Variants in CELF2 observed in about 807,000 individuals in gnomAD.
CELF2 encodes CUG triplet repeat RNA-binding protein 2.
In CELF2, 8 loss-of-function variants were observed where a neutral mutation model predicts 62.6. The observed-to-expected ratio is 0.13, with a 90% CI of 0.07 to 0.23. CELF2 has a LOEUF of 0.23. Ranked by LOEUF, CELF2 falls within the 10% of genes least tolerant of loss-of-function variation. The pLI, the probability that CELF2 is intolerant of heterozygous loss-of-function variation, is 1.00. For missense variants in CELF2, 333 were observed against 671.0 expected (o/e 0.50, Z 5.56); for synonymous variants, 258 against 250.0 (o/e 1.03, Z -0.30).
the CELF2 span, among the ~76,000 whole-genome samples, chr10:10,730,193 T>C: frequency 6.6e-6 from 1 of 152,140 alleles, no homozygotes; most frequent in Non-Finnish European, 1.5e-5. Flanking sequence ...AGTGGATCTT[T>C]TGGCTGGGCA....
In CELF2 at chr10:10,957,156, C is replaced by G. The variant is rs781255676; in HGVS notation, c.89+37157C>G. 6.6e-6 allele frequency among the ~76,000 whole-genome samples: 1 copy of G among 152,170 alleles called. No homozygotes were observed. Among genetic ancestry groups the G allele is most frequent in the Non-Finnish European group, 1.5e-5 (1 of 68,030 alleles). ...CTCTAATCCTCTCTTTGCTGTGCCT[C>G]TCTGGAGTTCCTGACATTTCCGCAA... On this transcript the variant is annotated intron_variant, in intron 2 of 13. Transcript: ENST00000636488. The surrounding 1 kb of genome is among the most constrained non-coding windows in gnomAD (Gnocchi z 4.1).
chr10:11,225,526 C>G (rs114218011), intron 3 of CELF2, among the ~76,000 whole-genome samples: 2 of 152,162 alleles, frequency 1.3e-5, no homozygotes, highest in African/African-American at 4.8e-5. Context: ...GAGTACTTCA[C>G]GTAGACAAAC....
chr10:10,626,225 G>A, the CELF2 span, among the ~76,000 whole-genome samples: 1 of 151,988 alleles, frequency 6.6e-6, no homozygotes, highest in Non-Finnish European at 1.5e-5. Context: ...CAGGTTGGGA[G>A]CTGCAGAATC....
intron 1 of CELF2, among the ~76,000 whole-genome samples, chr10:10,858,172 A>G (rs530941617): frequency 9.2e-5 from 14 of 152,256 alleles, no homozygotes; most frequent in South Asian, 6.2e-4. Context: ...AAAATTTATC[A>G]AAATATGATG....
At position 11,318,423 on chromosome 10, in the gene CELF2, G is replaced by A. The variant is rs1402831924; in HGVS notation, c.1097-2766G>A. ...ATCTGCATCCCTTGCTCATGGTACC[G>A]CCTCTGCCACCTCCCCAGGGAAACA... On this transcript the variant is annotated intron_variant, in intron 10 of 12. Coordinates refer to ENST00000633077, the MANE Select transcript of CELF2 (RefSeq NM_001326342.2). This position sits in a 1 kb window ranked among gnomAD's most constrained non-coding sequence, Gnocchi z 5.4. 4.9e-5 allele frequency: 14 copies of A among 288,314 alleles called. 1 individual carries two copies. Among genetic ancestry groups the A allele is most frequent in the East Asian group, 3.0e-4 (3 of 9,888 alleles). The allele number at this position is 288,314 out of a possible 1,614,324, so 17.9% of individuals were successfully genotyped here.
chr10:11,236,640 G>T (rs990030630), intron 3 of CELF2, among the ~76,000 whole-genome samples: 1 of 152,268 alleles, frequency 6.6e-6, no homozygotes, highest in East Asian at 1.9e-4. Context: ...GGTTTCATTC[G>T]TATGCAATAT....
intron 1 of CELF2, among the ~76,000 whole-genome samples, chr10:11,042,401 TCTTGA>T (rs1234230480): frequency 2.0e-5 from 3 of 152,230 alleles, no homozygotes; most frequent in Non-Finnish European, 4.4e-5. Flanking sequence ...GAACGGTCTC[TCTTGA>T]CTTTGAAGAC....
At chr10:11,042,692 C>G (rs1171760107) in intron 1 of CELF2, among the ~76,000 whole-genome samples, 1 of 152,192 alleles carries the variant, frequency 6.6e-6, no homozygotes, top group South Asian at 2.1e-4. Context: ...TCACCTCCCC[C>G]ACCCCAATTT....
the CELF2 span, among the ~76,000 whole-genome samples, chr10:10,547,328 A>G: frequency 6.6e-6 from 1 of 152,142 alleles, no homozygotes; most frequent in African/African-American, 2.4e-5. Context: ...TGACACAGTA[A>G]TGGCCTTAAT....
At chr10:10,693,366 G>A in the CELF2 span, among the ~76,000 whole-genome samples, 5 of 137,066 alleles carry the variant, frequency 3.6e-5, no homozygotes, top group African/African-American at 1.4e-4. Context: ...AAGCCCACTT[G>A]ATCATGGTGG....
Position 10,983,546 on chromosome 10 carries a change from C to T in CELF2, c.89+63547C>T, listed in dbSNP as rs1437652522. On this transcript the variant is annotated intron_variant, in intron 2 of 13. Transcript: ENST00000636488. The surrounding 1 kb of genome is among the most constrained non-coding windows in gnomAD (Gnocchi z 5.2). ...GCTATGATGGGTGCTACCGAAGATA[C>T]ATCCGTAGTTTTTGTTTTTGGTTTT... Among the ~76,000 whole-genome samples, 1 of 152,108 alleles carries T rather than the reference C, an allele frequency of 6.6e-6. No individual in the cohort carries two copies. The highest frequency in any genetic ancestry group is 1.5e-5 in the Non-Finnish European group (1 of 68,010).
chr10:10,680,906 A>G, the CELF2 span, among the ~76,000 whole-genome samples: 4 of 152,194 alleles, frequency 2.6e-5, no homozygotes, highest in Non-Finnish European at 5.9e-5. Context: ...TCCATTTTTC[A>G]ATTTCATATA....
At chr10:10,526,809 G>A in the CELF2 span, among the ~76,000 whole-genome samples, 8 of 152,196 alleles carry the variant, frequency 5.3e-5, no homozygotes, top group African/African-American at 1.7e-4. Flanking sequence ...AAATGGCTGG[G>A]TCCTTTCTAC....
chr10:10,605,410 C>G, the CELF2 span, among the ~76,000 whole-genome samples: 1 of 152,286 alleles, frequency 6.6e-6, no homozygotes, highest in South Asian at 2.1e-4. Context: ...ACATCCTGCA[C>G]GAGTACCCTG....
chr10:11,200,634 G>T (rs1282747892), intron 2 of CELF2, among the ~76,000 whole-genome samples: 1 of 152,194 alleles, frequency 6.6e-6, no homozygotes, highest in Non-Finnish European at 1.5e-5. Context: ...AGTGGGCACA[G>T]ATCTCTGCAA....
chr10:10,609,739 G>A, the CELF2 span, among the ~76,000 whole-genome samples: 2 of 152,172 alleles, frequency 1.3e-5, no homozygotes, highest in Admixed American at 1.3e-4. Context: ...GGGGATTGCT[G>A]TAATCACATT....
chr10:10,821,280 C>A (rs2056939727), intron 1 of CELF2, among the ~76,000 whole-genome samples: 1 of 152,136 alleles, frequency 6.6e-6, no homozygotes, highest in Non-Finnish European at 1.5e-5. Flanking sequence ...CTGGAGAAAT[C>A]TTTCTAGACC....
chr10:10,515,890 G>A, the CELF2 span, among the ~76,000 whole-genome samples: 2 of 152,204 alleles, frequency 1.3e-5, no homozygotes, highest in Admixed American at 6.5e-5. Flanking sequence ...AATGATGGAT[G>A]ATGTCACTTA....
chr10:11,124,913 AC>A (rs1382666628), intron 1 of CELF2, among the ~76,000 whole-genome samples: 1 of 152,178 alleles, frequency 6.6e-6, no homozygotes, highest in Non-Finnish European at 1.5e-5. Context: ...CTTCTTACAG[AC>A]CAGGATGGGG....
Sources: gnomAD v4.1 joint callset for allele counts (sites outside exome capture counted in the v4.1 genomes callset) on GRCh38, gnomAD v4.1.1 for gene constraint, Gnocchi (gnomAD v3.1) non-coding constraint, MANE v1.5 for transcripts, NCBI Gene and HGNC (gene_info 2026-07-23, HGNC 2026-07-21) for gene names.